PLEKHA6: variants seen among roughly 807,000 people sequenced by gnomAD.
PLEKHA6 encodes pleckstrin homology domain containing A6.
A neutral mutation model predicts 116.7 loss-of-function variants in PLEKHA6; 60 were observed. The ratio of observed to expected loss-of-function variants is 0.51; its 90% CI spans 0.42 to 0.64. PLEKHA6 has a LOEUF of 0.64. PLEKHA6 is among the 30% of genes least tolerant of loss of function. The probability of loss-of-function intolerance (pLI) is 0.00; values close to 1 mark genes in which losing one functional copy is unlikely to be tolerated. For synonymous variants in PLEKHA6, 489 were observed against 556.1 expected, an observed-to-expected ratio of 0.88 and a Z score of 1.70; for missense variants, 1,338 against 1,422.7, an observed-to-expected ratio of 0.94 and a Z score of 0.96.
intron 1 of PLEKHA6, among the ~76,000 whole-genome samples, chr1:204,281,983 G>A (rs947292414): frequency 3.9e-5 from 6 of 152,180 alleles, no homozygotes; most frequent in African/African-American, 7.2e-5. Flanking sequence ...ACAGGCAGAA[G>A]ATAGAAGAGA....
intron 1 of PLEKHA6, among the ~76,000 whole-genome samples, chr1:204,303,605 A>G (rs1671020632): frequency 1.3e-5 from 2 of 152,174 alleles, no homozygotes; most frequent in Non-Finnish European, 2.9e-5. Flanking sequence ...GGTTTCCCAC[A>G]TATTTGTTGT....
At chr1:204,272,192 G>C (rs1052827197) in intron 3 of PLEKHA6, among the ~76,000 whole-genome samples, 2 of 152,134 alleles carry the variant, frequency 1.3e-5, no homozygotes, top group African/African-American at 2.4e-5. Flanking sequence ...CATCATGTGA[G>C]AGTCTCTTTA....
intron 1 of PLEKHA6, among the ~76,000 whole-genome samples, chr1:204,283,893 T>C (rs949775152): frequency 5.3e-5 from 8 of 152,202 alleles, no homozygotes; most frequent in African/African-American, 1.9e-4. Context: ...CTGGCCTTTA[T>C]TGCTGTGCCC....
At chr1:204,319,851 AG>A (rs1429108991) in intron 1 of PLEKHA6, among the ~76,000 whole-genome samples, 1 of 151,526 alleles carries the variant, frequency 6.6e-6, no homozygotes, top group African/African-American at 2.4e-5. Flanking sequence ...AGAAAGGGAC[AG>A]GGCGGGCAGG....
intron 15 of PLEKHA6, among the ~76,000 whole-genome samples, chr1:204,242,290 C>T (rs1335620105): frequency 6.6e-6 from 1 of 152,218 alleles, no homozygotes; most frequent in Admixed American, 6.5e-5. Context: ...CAGCCATCAT[C>T]TGAGCCACTG....
rs1194746830 is a variant in PLEKHA6 at position 204,325,963 on chromosome 1, C to A, written c.-95+33731G>T. On this transcript the variant is annotated intron_variant, in intron 1 of 22. Transcript: ENST00000272203. ...TAGACTGGGCTGAACACAAAAGGGG[C>A]AGAGTCCCTCTGCCCACAGCAAGCC... The A allele has an allele frequency of 7.3e-6, 7 of 957,858 alleles. No individual in the cohort carries two copies. The African/African-American group carries it at 1.2e-4, about 17-fold the overall frequency. 59.3% of individuals were successfully genotyped at this position (957,858 alleles called of 1,614,324 possible). A position where few individuals can be genotyped will look rare whatever the true frequency, so the allele number is the denominator to read the frequency against.
chr1:204,243,387 C>A lies in PLEKHA6; in HGVS notation c.2172+1477G>T, dbSNP rs1663135914. 7.5e-6 allele frequency: 3 copies of A among 398,326 alleles called. No homozygotes were observed. The Admixed American group carries it at 1.3e-4, about 18-fold the overall frequency. 24.7% of individuals were successfully genotyped at this position (398,326 alleles called of 1,614,324 possible). ...GGAGACCTGGGTGGGCCCCTGGGACCACTGCACTCCCACCCGTGGCCTGAA... is the reference window on the plus strand; with the variant it reads ...GGAGACCTGGGTGGGCCCCTGGGACAACTGCACTCCCACCCGTGGCCTGAA... On this transcript the variant is annotated intron_variant, in intron 15 of 22. Transcript: ENST00000272203.
intron 3 of PLEKHA6, among the ~76,000 whole-genome samples, chr1:204,271,268 A>C (rs1667422242): frequency 6.6e-6 from 1 of 152,152 alleles, no homozygotes; most frequent in Admixed American, 6.5e-5. Context: ...GCAGCTTTCT[A>C]TCTCTTCCAT....
intron 1 of PLEKHA6, among the ~76,000 whole-genome samples, chr1:204,375,231 C>T (rs977607963): frequency 2.6e-5 from 4 of 152,108 alleles, no homozygotes; most frequent in African/African-American, 9.7e-5. Context: ...GCCCAGGCCT[C>T]TCTCTTCAAA....
rs1673515997 is a variant in PLEKHA6 at position 204,359,742 on chromosome 1, C to T, written c.-143G>A. 1.0e-6 allele frequency: 1 copy of T among 960,240 alleles called. No individual in the cohort carries two copies. 59.5% of individuals were successfully genotyped at this position (960,240 alleles called of 1,614,324 possible). A position where few individuals can be genotyped will look rare whatever the true frequency, so the allele number is the denominator to read the frequency against. On this transcript the variant is annotated 5_prime_UTR_variant, in exon 1 of 23. Coordinates refer to ENST00000272203, the MANE Select transcript of PLEKHA6 (RefSeq NM_014935.5). ...CGCTGGAAAGCTCTAACTCTGCGAG[C>T]CCCAAGGCACCCCTCCCCCCAGCTC...
rs1668154984 is a variant in PLEKHA6, at chr1:204,277,612, C to G, written c.-94-2803G>C. ...ATCAACTTGCTTCTCAGAGATCCTT[C>G]AGATCCTGTGGGCATAAGGGTTAAA... On this transcript the variant is annotated intron_variant, in intron 1 of 22. Coordinates refer to ENST00000272203, the MANE Select transcript of PLEKHA6 (RefSeq NM_014935.5). This position sits in a 1 kb window ranked among gnomAD's most constrained non-coding sequence, Gnocchi z 4.1. 6.6e-6 allele frequency: 1 copy of G among 152,220 alleles called. No homozygotes were observed. The highest frequency in any genetic ancestry group is 2.4e-5 in the African/African-American group (1 of 41,464). 9.4% of individuals were successfully genotyped at this position (152,220 alleles called of 1,614,324 possible). A position where few individuals can be genotyped will look rare whatever the true frequency, so the allele number is the denominator to read the frequency against.
intron 17 of PLEKHA6, among the ~76,000 whole-genome samples, chr1:204,240,045 C>T (rs548029969): frequency 1.3e-5 from 2 of 152,264 alleles, no homozygotes; most frequent in South Asian, 2.1e-4. Context: ...TTAGATTCCT[C>T]GTACCTTTAA....
At chr1:204,322,421 A>G (rs1008236211) in intron 1 of PLEKHA6, among the ~76,000 whole-genome samples, 1 of 152,212 alleles carries the variant, frequency 6.6e-6, no homozygotes, top group East Asian at 1.9e-4. Flanking sequence ...CCACCGCAAC[A>G]GAAGTTCTCA....
chr1:204,309,002 T>A (rs758489087), intron 1 of PLEKHA6: 10 of 852,198 alleles, frequency 1.2e-5, no homozygotes, highest in Non-Finnish European at 1.4e-5. Context: ...AGAAGGTAAT[T>A]CTAAATTGCC....
At chr1:204,349,526 G>A (rs1202201871) in intron 1 of PLEKHA6, among the ~76,000 whole-genome samples, 2 of 133,478 alleles carry the variant, frequency 1.5e-5, no homozygotes, top group African/African-American at 5.5e-5. Flanking sequence ...GGGCAACAGA[G>A]CAGGACTCCA....
chr1:204,241,497 G>A lies in PLEKHA6; in HGVS notation c.2303-16C>T, dbSNP rs755517263. 1.3e-6 allele frequency: 2 copies of A among 1,549,506 alleles called. No homozygotes were observed. Among genetic ancestry groups the A allele is most frequent in the Non-Finnish European group, 1.8e-6 (2 of 1,139,810 alleles). On this transcript the variant is annotated splice_polypyrimidine_tract_variant and intron_variant, in intron 16 of 22. Coordinates refer to ENST00000272203, the MANE Select transcript of PLEKHA6 (RefSeq NM_014935.5). Reference sequence around the variant, plus strand: ...ACAACGCCAACTGCAGAAAGACAGAGTAGCCAGTGGGCCTCATGGAGAGCA... The same window carrying A: ...ACAACGCCAACTGCAGAAAGACAGAATAGCCAGTGGGCCTCATGGAGAGCA...
chr1:204,356,584 T>A (rs1398149), intron 1 of PLEKHA6, among the ~76,000 whole-genome samples: 4,464 of 127,558 alleles, frequency 0.035, 202 homozygotes, highest in African/African-American at 0.13. Context: ...AATAATAATA[T>A]TAATAATAAT....
Position 204,259,079 on chromosome 1 carries a change from T to C in PLEKHA6, c.1007+179A>G, listed in dbSNP as rs963993087. ...AGGGACAGCAGCCAGACTCTAATGG[T>C]GGAGCCATGGGGCAGGCAGGATTTG... On this transcript the variant is annotated intron_variant, in intron 8 of 22. Coordinates refer to ENST00000272203, the MANE Select transcript of PLEKHA6 (RefSeq NM_014935.5). This position sits in a 1 kb window ranked among gnomAD's most constrained non-coding sequence, Gnocchi z 4.6. Among the ~76,000 whole-genome samples, 21 of 152,198 alleles carry C rather than the reference T, an allele frequency of 1.4e-4. No homozygotes were observed. Among genetic ancestry groups the C allele is most frequent in the Non-Finnish European group, 2.9e-4 (20 of 68,028 alleles).
At chr1:204,305,761 G>A (rs1036623607) in intron 1 of PLEKHA6, among the ~76,000 whole-genome samples, 1 of 151,568 alleles carries the variant, frequency 6.6e-6, no homozygotes, top group Non-Finnish European at 1.5e-5. Flanking sequence ...ATAAAAAAAT[G>A]TTTAATGCCC....
Sources: gnomAD v4.1 joint callset for allele counts (sites outside exome capture counted in the v4.1 genomes callset) on GRCh38, gnomAD v4.1.1 for gene constraint, Gnocchi (gnomAD v3.1) non-coding constraint, MANE v1.5 for transcripts, NCBI Gene and HGNC (gene_info 2026-07-23, HGNC 2026-07-21) for gene names.